Variants in THBS1 observed in about 807,000 individuals in gnomAD.
THBS1 encodes thrombospondin-1.
Under a neutral mutation model 126.1 loss-of-function variants are expected in THBS1, and 29 were observed. That is an observed-to-expected ratio of 0.23 (90% CI 0.17 to 0.31). The LOEUF (loss-of-function observed/expected upper bound fraction) is 0.31, where lower values mean the gene tolerates loss of function less well. Ranked by LOEUF, THBS1 falls within the 10% of genes least tolerant of loss-of-function variation. THBS1 has a pLI of 1.00. For missense variants in THBS1, 1,198 were observed against 1,545.2 expected (o/e 0.78, Z 3.77); for synonymous variants, 496 against 577.8 (o/e 0.86, Z 2.03).
Position 39,589,838 on chromosome 15 carries a change from A to T in THBS1, c.1960A>T (p.Thr654Ser). Residue 654 changes from threonine (T) to serine (S), a missense_variant, in exon 13 of 22, where the codon ACC becomes TCC. Physicochemically the swap from Thr to Ser is moderately conservative, Grantham distance 58. Transcript: ENST00000260356. The surrounding 1 kb of genome is among the most constrained non-coding windows in gnomAD (Gnocchi z 4.7). ...GCCCCGTAACCCCTGCACGGATGGG[A>T]CCCACGACTGCAACAAGAACGCCAA... ...CKPRNPCTDG[T>S]HDCNKNAKCN... 1 of 1,613,960 alleles carries T rather than the reference A, an allele frequency of 6.2e-7. No homozygotes were observed. The highest frequency in any genetic ancestry group is 8.5e-7 in the Non-Finnish European group (1 of 1,179,902).
rs1180149611 is a variant in THBS1 at position 39,596,687 on chromosome 15, T to C, written c.*1318T>C. 1.3e-5 allele frequency: 2 copies of C among 152,234 alleles called. No individual in the cohort carries two copies. The highest frequency in any genetic ancestry group is 4.8e-5 in the African/African-American group (2 of 41,456). The allele number at this position is 152,234 out of a possible 1,614,324, so 9.4% of individuals were successfully genotyped here. A position where few individuals can be genotyped will look rare whatever the true frequency, so the allele number is the denominator to read the frequency against. On this transcript the variant is annotated 3_prime_UTR_variant, in exon 22 of 22. Transcript: ENST00000260356. ...GATGTTATGGGATTCTTTTTTTCTC[T>C]GTTTTATCTTTTCAAGTGGAATTAG...
Position 39,591,332 on chromosome 15 carries a change from G to A in THBS1, c.2395G>A (p.Ala799Thr), listed in dbSNP as rs1890323382. Reference sequence around the variant, plus strand: ...CAATGGGGAAGGAGACGCCTGTGCTGCAGACATTGATGGAGACGGTAAGGT... The same window carrying A: ...CAATGGGGAAGGAGACGCCTGTGCTACAGACATTGATGGAGACGGTAAGGT... ...DNNGEGDACA[A>T]DIDGDGILNE... Residue 799 changes from alanine (A) to threonine (T), a missense_variant, in exon 15 of 22, where the codon GCA (alanine) becomes ACA (threonine). This residue lies in a region of THBS1 where 663 missense variants were observed against 860.1 expected (regional missense o/e 0.77). Coordinates refer to ENST00000260356, the MANE Select transcript of THBS1 (RefSeq NM_003246.4). 1.9e-6 allele frequency: 3 copies of A among 1,613,938 alleles called. No homozygotes were observed. Among genetic ancestry groups the A allele is most frequent in the African/African-American group, 1.3e-5 (1 of 74,950 alleles).
intron 14 of THBS1, 71 bp from the exon 15 acceptor site, chr15:39,591,120 T>C: frequency 6.5e-7 from 1 of 1,530,182 alleles, no homozygotes; most frequent in Non-Finnish European, 8.9e-7. Flanking sequence ...AGACATATTA[T>C]GCACATGGTT....
chr15:39,583,817 C>T, intron 4 of THBS1, 125 bp downstream of exon 4: 1 of 1,232,346 alleles, frequency 8.1e-7, no homozygotes, highest in South Asian at 1.4e-5. Flanking sequence ...AAGAGGCATA[C>T]AGAAGTGACT....
chr15:39,593,417 G>A lies in THBS1; in HGVS notation c.3016G>A (p.Val1006Met), dbSNP rs200767862. Residue 1006 changes from valine (V) to methionine (M), a missense_variant, in exon 19 of 22, where the codon GTG becomes ATG. Val to Met is a conservative substitution (Grantham distance 21). This residue lies in a region of THBS1 where 255 missense variants were observed against 373.9 expected (regional missense o/e 0.68). Coordinates refer to ENST00000260356, the MANE Select transcript of THBS1 (RefSeq NM_003246.4). This position sits in a 1 kb window ranked among gnomAD's most constrained non-coding sequence, Gnocchi z 5.9. Reference sequence around the variant, plus strand: ...TCCAGGTTATGATGAGTTTAATGCTGTGGACTTCAGTGGCACCTTCTTCAT... The same window carrying A: ...TCCAGGTTATGATGAGTTTAATGCTATGGACTTCAGTGGCACCTTCTTCAT... ...LAVGYDEFNA[V>M]DFSGTFFINT... is the part of the protein sequence containing the mutation. 1.5e-5 allele frequency: 24 copies of A among 1,614,062 alleles called. No homozygotes were observed. The highest frequency in any genetic ancestry group is 1.3e-4 in the East Asian group (6 of 44,886).
rs1434288838 is a variant in THBS1 at position 39,593,366 on chromosome 15, G to A, written c.2996-31G>A. The A allele has an allele frequency of 1.2e-6, 2 of 1,613,324 alleles. No individual in the cohort carries two copies. Among genetic ancestry groups the A allele is most frequent in the Non-Finnish European group, 8.5e-7 (1 of 1,179,514 alleles). ...ATGGAGAACCTTCTGAAGGCTGCAG[G>A]TTTTAACCTGGCTCTGGGCTCTTCT... On this transcript the variant is annotated intron_variant, in intron 18 of 21. Transcript: ENST00000260356. This position sits in a 1 kb window ranked among gnomAD's most constrained non-coding sequence, Gnocchi z 5.9.
At position 39,593,082 on chromosome 15, in the gene THBS1, T is replaced by C; in HGVS notation, c.2850T>C (p.Val950=). 6.2e-7 allele frequency: 1 copy of C among 1,600,632 alleles called. No individual in the cohort carries two copies. The highest frequency in any genetic ancestry group is 1.1e-5 in the South Asian group (1 of 88,210). The change falls in exon 18 of 22, where the codon GTT becomes GTC. Residue 950 remains valine, a synonymous_variant. Transcript: ENST00000260356. The surrounding 1 kb of genome is among the most constrained non-coding windows in gnomAD (Gnocchi z 5.9). ...TCGATGACATCTGTCCTGAGAATGT[T>C]GACATCAGTGAGACCGATTTCCGCC... is the stretch of plus-strand genomic sequence containing the variant. ...PDIDDICPEN[V]DISETDFRRF...
chr15:39,588,649 T>A lies in THBS1; in HGVS notation c.1595T>A (p.Val532Asp). The part of the protein sequence containing the change: ...PTPQFGGKDC[V>D]GDVTENQICN... ...CCCCAGTTTGGAGGCAAGGACTGCG[T>A]TGGTGATGTAACAGAAAACCAGATC... The change falls in exon 10 of 22, where the codon GTT (valine) becomes GAT (aspartate). Residue 532 changes from valine to aspartate, a missense_variant. By Grantham distance (152) the Val-to-Asp change is radical. Around this residue, in one of 4 missense-constraint regions of THBS1, gnomAD observed 663 missense variants for 860.1 expected, o/e 0.77. Transcript: ENST00000260356. 6.2e-7 allele frequency: 1 copy of A among 1,607,158 alleles called. No individual in the cohort carries two copies. The highest frequency in any genetic ancestry group is 8.5e-7 in the Non-Finnish European group (1 of 1,177,540).
chr15:39,584,742 A>ATT (rs5812128), intron 6 of THBS1, among the ~76,000 whole-genome samples: 79 of 151,366 alleles, frequency 5.2e-4, no homozygotes, highest in East Asian at 3.9e-3. Context: ...TGGAACATTC[A>ATT]TTTTTTTTTC....
Position 39,589,320 on chromosome 15 carries a change from G to A in THBS1, c.1892G>A (p.Gly631Asp). 1.2e-6 allele frequency: 2 copies of A among 1,614,046 alleles called. No homozygotes were observed. The highest frequency in any genetic ancestry group is 2.2e-5 in the South Asian group (2 of 91,082). Reference sequence around the variant, plus strand: ...CGCTTCACCGGCTCACAGCCCTTCGGCCAGGGTGTCGAACATGCCACGGCC... The same window carrying A: ...CGCTTCACCGGCTCACAGCCCTTCGACCAGGGTGTCGAACATGCCACGGCC... ...PPRFTGSQPF[G>D]QGVEHATANK... Residue 631 changes from glycine (G) to aspartate (D), a missense_variant, in exon 12 of 22, where the codon GGC (glycine) becomes GAC (aspartate). Gly to Asp is a moderately conservative substitution (Grantham distance 94, BLOSUM62 -1). Around this residue, in one of 4 missense-constraint regions of THBS1, gnomAD observed 663 missense variants for 860.1 expected, o/e 0.77. Coordinates refer to ENST00000260356, the MANE Select transcript of THBS1 (RefSeq NM_003246.4). This position sits in a 1 kb window ranked among gnomAD's most constrained non-coding sequence, Gnocchi z 4.7.
Position 39,591,222 on chromosome 15 carries a change from A to C in THBS1, c.2285A>C (p.Gln762Pro). 3 of 1,614,212 alleles carry C rather than the reference A, an allele frequency of 1.9e-6. No individual in the cohort carries two copies. ...DNCPFHYNPAQYDYDRDDVGD... is the reference protein window; with the variant it reads ...DNCPFHYNPAPYDYDRDDVGD... Reference sequence around the variant, plus strand: ...TGTCCATTCCATTACAACCCAGCTCAGTATGACTATGACAGAGATGATGTG... The same window carrying C: ...TGTCCATTCCATTACAACCCAGCTCCGTATGACTATGACAGAGATGATGTG... The change falls in exon 15 of 22, where the codon CAG (glutamine) becomes CCG (proline). Residue 762 changes from glutamine to proline, a missense_variant. Coordinates refer to ENST00000260356, the MANE Select transcript of THBS1 (RefSeq NM_003246.4).
Position 39,582,257 on chromosome 15 carries a change from T to C in THBS1, c.132T>C (p.Ser44=). ...FELTGAARKG[S]GRRLVKGPDP... The stretch of plus-strand genomic sequence containing the variant: ...TCACCGGGGCCGCCCGCAAGGGGTC[T>C]GGGCGCCGACTGGTGAAGGGCCCCG... The change falls in exon 3 of 22, where the codon TCT becomes TCC. Residue 44 remains serine, a synonymous_variant. Coordinates refer to ENST00000260356, the MANE Select transcript of THBS1 (RefSeq NM_003246.4). The C allele has an allele frequency of 4.3e-6, 7 of 1,614,128 alleles. No individual in the cohort carries two copies. Among genetic ancestry groups the C allele is most frequent in the Non-Finnish European group, 5.9e-6 (7 of 1,180,010 alleles).
In THBS1 at chr15:39,594,061, G is replaced by A; in HGVS notation, c.3268-38G>A. 2 of 1,576,906 alleles carry A rather than the reference G, an allele frequency of 1.3e-6. No individual in the cohort carries two copies. The highest frequency in any genetic ancestry group is 1.7e-6 in the Non-Finnish European group (2 of 1,153,778). On this transcript the variant is annotated intron_variant, in intron 19 of 21. Coordinates refer to ENST00000260356, the MANE Select transcript of THBS1 (RefSeq NM_003246.4). This position sits in a 1 kb window ranked among gnomAD's most constrained non-coding sequence, Gnocchi z 4.4. ...ATGAAATAGAAATCTTTACCTGAAG[G>A]AGCTGTGTTTCAACCTTTCCTTTTC...
chr15:39,588,700 G>T lies in THBS1; in HGVS notation c.1645+1G>T, dbSNP rs113427959. 2 of 1,569,634 alleles carry T rather than the reference G, an allele frequency of 1.3e-6. No individual in the cohort carries two copies. The highest frequency in any genetic ancestry group is 8.6e-7 in the Non-Finnish European group (1 of 1,159,276). On this transcript the variant is annotated splice_donor_variant, in intron 10 of 21. Coordinates refer to ENST00000260356, the MANE Select transcript of THBS1 (RefSeq NM_003246.4). LOFTEE classifies it high-confidence loss of function. ...TGCAACAAGCAGGACTGTCCAATTG[G>T]TGAGCCACGCAGCCCAGGATGAAAC...
Position 39,594,341 on chromosome 15 carries a change from G to A in THBS1, c.3406G>A (p.Gly1136Arg), listed in dbSNP as rs140265683. 86 of 1,614,108 alleles carry A rather than the reference G, an allele frequency of 5.3e-5. No homozygotes were observed. The highest frequency in any genetic ancestry group is 6.9e-5 in the Non-Finnish European group (81 of 1,180,060). The change falls in exon 21 of 22, where the codon GGA becomes AGA. Residue 1136 changes from glycine (G) to arginine (R), a missense_variant. Coordinates refer to ENST00000260356, the MANE Select transcript of THBS1 (RefSeq NM_003246.4). The surrounding 1 kb of genome is among the most constrained non-coding windows in gnomAD (Gnocchi z 4.4). ...YEGKKIMADS[G>R]PIYDKTYAGG... ...AGGGAAGAAAATCATGGCTGACTCA[G>A]GACCCATCTATGATAAAACCTATGC...
At position 39,583,264 on chromosome 15, in the gene THBS1, C is replaced by G. The variant is rs145994202; in HGVS notation, c.628-353C>G. ...TGTTACAGCTTCATCTGTGCCTTAA[C>G]TTCTAGATCTTTGCAACGGTGGCTT... is the stretch of plus-strand genomic sequence containing the variant. On this transcript the variant is annotated intron_variant, in intron 3 of 21. Transcript: ENST00000260356. Among the ~76,000 whole-genome samples, 186 of 152,304 alleles carry G rather than the reference C, an allele frequency of 1.2e-3. 1 individual carries two copies. The highest frequency in any genetic ancestry group is 2.1e-3 in the Non-Finnish European group (141 of 68,026).
Position 39,581,232 on chromosome 15 carries a change from A to T in THBS1, c.-30+4A>T, listed in dbSNP as rs1890095582. On this transcript the variant is annotated splice_donor_region_variant and intron_variant, in intron 1 of 21. Coordinates refer to ENST00000260356, the MANE Select transcript of THBS1 (RefSeq NM_003246.4). ...CGCCGCGCTCCGGTACACACAGGTA[A>T]GTCGCCCCCGGCGGCCGCCGAGGAC... is the stretch of plus-strand genomic sequence containing the variant. 1 of 153,722 alleles carries T rather than the reference A, an allele frequency of 6.5e-6. No homozygotes were observed. Among genetic ancestry groups the T allele is most frequent in the Non-Finnish European group, 1.5e-5 (1 of 68,692 alleles). 9.5% of individuals were successfully genotyped at this position (153,722 alleles called of 1,614,324 possible). A position where few individuals can be genotyped will look rare whatever the true frequency, so the allele number is the denominator to read the frequency against.
In THBS1 at chr15:39,595,449, C is replaced by A; in HGVS notation, c.*80C>A. The stretch of plus-strand genomic sequence containing the variant: ...TCTGGAACTATGGGCTTGAGAAAAC[C>A]CCCAGGATCACTTCTCCTTGGCTTC... On this transcript the variant is annotated 3_prime_UTR_variant, in exon 22 of 22. Transcript: ENST00000260356. The A allele has an allele frequency of 2.0e-6, 3 of 1,464,694 alleles. No individual in the cohort carries two copies. The highest frequency in any genetic ancestry group is 2.7e-6 in the Non-Finnish European group (3 of 1,102,464). The allele number at this position is 1,464,694 out of a possible 1,614,324, so 90.7% of individuals were successfully genotyped here.
Position 39,593,065 on chromosome 15 carries a change from A to G in THBS1, c.2833A>G (p.Ile945Val), listed in dbSNP as rs1016250399. ...TGACAGTGTGCCAGACATCGATGAC[A>G]TCTGTCCTGAGAATGTTGACATCAG... ...DHDSVPDIDD[I>V]CPENVDISET... The change falls in exon 18 of 22, where the codon ATC (isoleucine) becomes GTC (valine). Residue 945 changes from isoleucine to valine, a missense_variant. Transcript: ENST00000260356. The surrounding 1 kb of genome is among the most constrained non-coding windows in gnomAD (Gnocchi z 5.9). The G allele has an allele frequency of 6.2e-7, 1 of 1,606,736 alleles. No individual in the cohort carries two copies. The highest frequency in any genetic ancestry group is 8.5e-7 in the Non-Finnish European group (1 of 1,176,612).
Sources: allele counts gnomAD v4.1 joint callset (sites outside exome capture counted in the v4.1 genomes callset), GRCh38; gene constraint gnomAD v4.1.1; regional missense constraint gnomAD v4.1.1; non-coding constraint Gnocchi (gnomAD v3.1); transcripts MANE v1.5; gene names NCBI Gene and HGNC (gene_info 2026-07-23, HGNC 2026-07-21).